Variants in EGFLAM observed in about 807,000 individuals in gnomAD.
EGFLAM encodes pikachurin.
In EGFLAM, 79 loss-of-function variants were observed where a neutral mutation model predicts 113.1. The observed-to-expected ratio is 0.70, with a 90% CI of 0.58 to 0.84. The LOEUF (loss-of-function observed/expected upper bound fraction) is 0.84, where lower values mean the gene tolerates loss of function less well. EGFLAM is among the 40% of genes least tolerant of loss of function. The probability of loss-of-function intolerance (pLI) is 0.00; values close to 1 mark genes in which losing one functional copy is unlikely to be tolerated. For synonymous variants in EGFLAM, 504 were observed against 487.6 expected, an observed-to-expected ratio of 1.03 and a Z score of -0.44; for missense variants, 1,265 against 1,291.6, an observed-to-expected ratio of 0.98 and a Z score of 0.32.
chr5:38,389,791 A>G (rs957158875), intron 6 of EGFLAM, among the ~76,000 whole-genome samples: 2 of 152,076 alleles, frequency 1.3e-5, no homozygotes, highest in Non-Finnish European at 2.9e-5. Flanking sequence ...CATACACATA[A>G]TTTTCCCTCC....
At position 38,370,383 on chromosome 5, in the gene EGFLAM, C is replaced by T. The variant is rs1475082723; in HGVS notation, c.633C>T (p.Asn211=). ...TCAAGGGCCTCGATCCAGATACCAA[C>T]TACCAGTTTGCCGTGAGGGCAATGA... ...MVIKGLDPDT[N]YQFAVRAMNS... is the part of the protein sequence containing the mutation. The change falls in exon 6 of 22, where the codon AAC becomes AAT. Residue 211 remains asparagine, a synonymous_variant. Coordinates refer to ENST00000322350, the MANE Select transcript of EGFLAM (RefSeq NM_152403.4). 3.1e-6 allele frequency: 5 copies of T among 1,614,214 alleles called. No homozygotes were observed. The highest frequency in any genetic ancestry group is 4.2e-6 in the Non-Finnish European group (5 of 1,180,018).
At chr5:38,428,519 G>A (rs900766388) in intron 14 of EGFLAM, among the ~76,000 whole-genome samples, 1 of 152,228 alleles carries the variant, frequency 6.6e-6, no homozygotes, top group Non-Finnish European at 1.5e-5. Flanking sequence ...ATGCAAAATA[G>A]CCTAAGCAAT....
chr5:38,334,727 G>T (rs186354409), intron 1 of EGFLAM, among the ~76,000 whole-genome samples: 4 of 152,200 alleles, frequency 2.6e-5, no homozygotes, highest in Admixed American at 2.6e-4. Flanking sequence ...TTTAAAAAGT[G>T]GTAGTAGTAA....
intron 6 of EGFLAM, among the ~76,000 whole-genome samples, chr5:38,386,281 C>T (rs1264426698): frequency 6.6e-6 from 1 of 152,168 alleles, no homozygotes; most frequent in East Asian, 1.9e-4. Context: ...ACTGCAACCT[C>T]CACCTCCCGA....
At chr5:38,352,054 A>G in intron 4 of EGFLAM, 142 bp from the exon 5 acceptor site, 1 of 1,125,882 alleles carries the variant, frequency 8.9e-7, no homozygotes, top group South Asian at 1.6e-5. Flanking sequence ...GAACAGAGAT[A>G]TTTTGGGTAT....
chr5:38,448,389 T>C lies in EGFLAM; in HGVS notation c.2543+10T>C. On this transcript the variant is annotated intron_variant, in intron 18 of 21. Transcript: ENST00000322350. ...CAGATATCTTGAAGAGGTAATAAGC[T>C]TCAACAGGCACCTTCCTCAGCTTTC... 6.2e-7 allele frequency: 1 copy of C among 1,613,938 alleles called. No homozygotes were observed. The highest frequency in any genetic ancestry group is 8.5e-7 in the Non-Finnish European group (1 of 1,179,962).
intron 1 of EGFLAM, among the ~76,000 whole-genome samples, chr5:38,289,851 A>G (rs1758268808): frequency 6.6e-6 from 1 of 152,090 alleles, no homozygotes; most frequent in Non-Finnish European, 1.5e-5. Context: ...TCCTCAAAGC[A>G]CTCCATTACT....
chr5:38,432,285 GA>G (rs1213925070), intron 15 of EGFLAM, among the ~76,000 whole-genome samples: 2 of 152,136 alleles, frequency 1.3e-5, no homozygotes, highest in Non-Finnish European at 2.9e-5. Context: ...TTTCGCTGGG[GA>G]AAGAGGTACT....
chr5:38,363,758 T>C (rs969855394), intron 5 of EGFLAM, among the ~76,000 whole-genome samples: 2 of 152,246 alleles, frequency 1.3e-5, no homozygotes, highest in Admixed American at 1.3e-4. Flanking sequence ...AAGGCGTTCA[T>C]AGGCTTCATT....
chr5:38,337,747 T>A (rs908817072), intron 2 of EGFLAM, 118 bp downstream of exon 2: 5 of 816,950 alleles, frequency 6.1e-6, no homozygotes, highest in African/African-American at 1.7e-5. Flanking sequence ...CCATTCTCCC[T>A]CCATAAAGCT....
At chr5:38,338,879 A>G (rs1739262732) in intron 3 of EGFLAM, 98 bp downstream of exon 3, 2 of 948,686 alleles carry the variant, frequency 2.1e-6, no homozygotes, top group Non-Finnish European at 3.3e-6. Flanking sequence ...TGTAATAATA[A>G]TAACTAATGC....
At chr5:38,360,204 A>G (rs1739882260) in intron 5 of EGFLAM, among the ~76,000 whole-genome samples, 1 of 152,192 alleles carries the variant, frequency 6.6e-6, no homozygotes, top group Non-Finnish European at 1.5e-5. Flanking sequence ...TTTTCTTTGA[A>G]CTGTTCTAAG....
At chr5:38,315,607 CAA>C (rs1239130606) in intron 1 of EGFLAM, among the ~76,000 whole-genome samples, 2 of 152,182 alleles carry the variant, frequency 1.3e-5, no homozygotes, top group African/African-American at 2.4e-5. Context: ...TCCTCCCCAA[CAA>C]GAGAGAGCAC....
chr5:38,270,480 C>A (rs2111713321), intron 1 of EGFLAM, among the ~76,000 whole-genome samples: 1 of 113,216 alleles, frequency 8.8e-6, no homozygotes, highest in African/African-American at 3.9e-5. Flanking sequence ...TTAAATAAAC[C>A]ATTAGTTTGG....
At chr5:38,452,270 G>A (rs1182225345) in intron 19 of EGFLAM, among the ~76,000 whole-genome samples, 3 of 152,018 alleles carry the variant, frequency 2.0e-5, no homozygotes, top group African/African-American at 7.2e-5. Context: ...GACCTCAGGT[G>A]ATCCACCCGC....
At chr5:38,289,563 G>A (rs968806713) in intron 1 of EGFLAM, among the ~76,000 whole-genome samples, 1 of 152,166 alleles carries the variant, frequency 6.6e-6, no homozygotes, top group African/African-American at 2.4e-5. Context: ...TGATAGAGGA[G>A]GAAAGTGGAC....
In EGFLAM at chr5:38,284,198, G is replaced by C. The variant is rs1758094357; in HGVS notation, c.97+25347G>C. The C allele has an allele frequency of 2.0e-5, 3 of 152,240 alleles. No homozygotes were observed. In the South Asian group the frequency reaches 6.2e-4, roughly 32 times the overall value. The allele number at this position is 152,240 out of a possible 1,614,324, so 9.4% of individuals were successfully genotyped here. On this transcript the variant is annotated intron_variant, in intron 1 of 21. Coordinates refer to ENST00000322350, the MANE Select transcript of EGFLAM (RefSeq NM_152403.4). ...GCCTCTCATTGTTGGGGATAACCTT[G>C]AGGAATTAATCTACTGTGGCAAGGT... is the stretch of plus-strand genomic sequence containing the variant.
intron 15 of EGFLAM, among the ~76,000 whole-genome samples, chr5:38,432,408 C>A (rs1742216320): frequency 6.7e-6 from 1 of 149,042 alleles, no homozygotes; most frequent in Non-Finnish European, 1.5e-5. Context: ...GAGGGGAATC[C>A]CAAATTGGGT....
intron 1 of EGFLAM, among the ~76,000 whole-genome samples, chr5:38,289,095 C>T (rs931428944): frequency 1.8e-4 from 27 of 152,136 alleles, no homozygotes; most frequent in African/African-American, 6.5e-4. Flanking sequence ...TCTTTAAACT[C>T]AGGTCTCATA....
Sources: allele counts gnomAD v4.1 joint callset (sites outside exome capture counted in the v4.1 genomes callset), GRCh38; gene constraint gnomAD v4.1.1; transcripts MANE v1.5; gene names NCBI Gene and HGNC (gene_info 2026-07-23, HGNC 2026-07-21).